LHFPL3: variants seen among roughly 807,000 people sequenced by gnomAD.
LHFPL3 encodes the protein LHFPL tetraspan subfamily member 3 protein.
LHFPL3 carries 5 observed loss-of-function variants against 19.3 expected under a neutral mutation model. The ratio of observed to expected loss-of-function variants is 0.26; its 90% CI spans 0.14 to 0.54. LHFPL3 has a LOEUF of 0.54. Among genes scored for constraint, LHFPL3 ranks in the 20% least tolerant of loss-of-function variants. The pLI is 0.94. For missense variants in LHFPL3, 249 were observed against 307.4 expected, an observed-to-expected ratio of 0.81 and a Z score of 1.42; for synonymous variants, 133 against 126.2, an observed-to-expected ratio of 1.05 and a Z score of -0.36.
At position 104,824,549 on chromosome 7, in the gene LHFPL3, ATAATATATAATTATATATATTATT is replaced by A. The variant is rs1159896456; in HGVS notation, c.683-81636_683-81613del. 8.1e-5 allele frequency among the ~76,000 whole-genome samples: 6 copies of A among 73,840 alleles called. No homozygotes were observed. The East Asian group carries it at 2.4e-3, about 30-fold the overall frequency. 48.4% of individuals were successfully genotyped at this position (73,840 alleles called of 152,430 possible). A position where few individuals can be genotyped will look rare whatever the true frequency, so the allele number is the denominator to read the frequency against. On this transcript the variant is annotated intron_variant, in intron 2 of 2. Coordinates refer to ENST00000424859, the MANE Select transcript of LHFPL3 (RefSeq NM_199000.3). ...TTATATATAATATATATAATTATAT[ATAATATATAATTATATATATTATT>A]TTATATATAATATATATAATTATAT...
intron 1 of LHFPL3, among the ~76,000 whole-genome samples, chr7:104,390,556 G>A (rs1791044989): frequency 6.6e-6 from 1 of 152,168 alleles, no homozygotes; most frequent in Non-Finnish European, 1.5e-5. Flanking sequence ...GTGTATATGT[G>A]CTACATTTGC....
At chr7:104,587,514 T>C (rs1218391487) in intron 1 of LHFPL3, among the ~76,000 whole-genome samples, 2 of 152,228 alleles carry the variant, frequency 1.3e-5, no homozygotes, top group Non-Finnish European at 2.9e-5. Context: ...TAATCCAGTC[T>C]ATCATTGTTG....
chr7:104,493,209 C>T (rs896450023), intron 1 of LHFPL3, among the ~76,000 whole-genome samples: 1 of 152,082 alleles, frequency 6.6e-6, no homozygotes, highest in Non-Finnish European at 1.5e-5. Context: ...GGGAATCTGG[C>T]CCCCCACTTT....
intron 1 of LHFPL3, among the ~76,000 whole-genome samples, chr7:104,626,438 C>A (rs144918624): frequency 1.3e-5 from 2 of 152,324 alleles, no homozygotes; most frequent in East Asian, 3.9e-4. Flanking sequence ...TACCTCCACT[C>A]CATGCTTCAT....
chr7:104,391,643 G>A (rs1415016188), intron 1 of LHFPL3, among the ~76,000 whole-genome samples: 1 of 152,112 alleles, frequency 6.6e-6, no homozygotes, highest in African/African-American at 2.4e-5. Context: ...TGTTCTTTTG[G>A]CTTAGGATTG....
At chr7:104,526,444 A>T (rs149252825) in intron 1 of LHFPL3, among the ~76,000 whole-genome samples, 245 of 152,328 alleles carry the variant, frequency 1.6e-3, no homozygotes, top group African/African-American at 5.6e-3. Flanking sequence ...ATAGCAATCC[A>T]AGCTCTGTAG....
At chr7:104,414,640 G>C (rs182923760) in intron 1 of LHFPL3, among the ~76,000 whole-genome samples, 29 of 152,280 alleles carry the variant, frequency 1.9e-4, no homozygotes. Flanking sequence ...AAATTGACTA[G>C]AGTATCTGTT....
At position 104,688,078 on chromosome 7, in the gene LHFPL3, C is replaced by T. The variant is rs185886582; in HGVS notation, c.446-48597C>T. Among the ~76,000 whole-genome samples the T allele has an allele frequency of 1.6e-3, 251 of 152,228 alleles. 2 individuals are homozygous for T. The highest frequency in any genetic ancestry group is 3.3e-3 in the South Asian group (16 of 4,814). On this transcript the variant is annotated intron_variant, in intron 1 of 2. Coordinates refer to ENST00000424859, the MANE Select transcript of LHFPL3 (RefSeq NM_199000.3). ...TTCAGAGATTTATGCAAAATAAATG[C>T]GTTTGATACTCCTGATTTGATTCAC...
intron 1 of LHFPL3, among the ~76,000 whole-genome samples, chr7:104,472,591 G>A (rs926304116): frequency 2.6e-5 from 4 of 152,108 alleles, no homozygotes; most frequent in Admixed American, 6.5e-5. Flanking sequence ...ATGTGCGTGA[G>A]TATTTGCAAA....
chr7:104,795,698 C>T (rs1412369887), intron 2 of LHFPL3, among the ~76,000 whole-genome samples: 1 of 152,166 alleles, frequency 6.6e-6, no homozygotes, highest in African/African-American at 2.4e-5. Flanking sequence ...AAATCAGAAA[C>T]TCTTAATAAT....
chr7:104,585,035 C>G (rs551105323), intron 1 of LHFPL3, among the ~76,000 whole-genome samples: 19 of 152,288 alleles, frequency 1.2e-4, no homozygotes, highest in African/African-American at 4.6e-4. Context: ...TCCTTCCATG[C>G]CACCTAAATG....
intron 2 of LHFPL3, chr7:104,895,562 G>A (rs985049084): frequency 1.4e-4 from 21 of 152,520 alleles, no homozygotes; most frequent in African/African-American, 5.1e-4. Context: ...AGGGAAAAGG[G>A]GCAGGGGAGA....
chr7:104,869,054 A>G (rs868457859), intron 2 of LHFPL3, among the ~76,000 whole-genome samples: 10 of 152,154 alleles, frequency 6.6e-5, no homozygotes, highest in East Asian at 1.9e-4. Context: ...TCCCTTCCTT[A>G]CACCTTATAC....
chr7:104,594,526 CT>C (rs1254085018), intron 1 of LHFPL3, among the ~76,000 whole-genome samples: 2 of 152,076 alleles, frequency 1.3e-5, no homozygotes, highest in Non-Finnish European at 2.9e-5. Context: ...TGAGGTTGCT[CT>C]TCTGGAGGAG....
At chr7:104,886,441 C>T (rs1047640957) in intron 2 of LHFPL3, among the ~76,000 whole-genome samples, 2 of 152,026 alleles carry the variant, frequency 1.3e-5, no homozygotes, top group African/African-American at 2.4e-5. Context: ...CTCAGTTCAC[C>T]GCAACTTCCG....
intron 2 of LHFPL3, among the ~76,000 whole-genome samples, chr7:104,767,011 G>A (rs1027829629): frequency 5.9e-5 from 9 of 152,248 alleles, no homozygotes; most frequent in East Asian, 1.9e-4. Flanking sequence ...AAGGAACTTC[G>A]ATTTTCTTTT....
intron 2 of LHFPL3, among the ~76,000 whole-genome samples, chr7:104,822,917 T>C (rs1245264336): frequency 6.6e-6 from 1 of 152,138 alleles, no homozygotes; most frequent in African/African-American, 2.4e-5. Flanking sequence ...AGTGCGAGTT[T>C]AGTGTCTACT....
At chr7:104,789,910 C>A (rs1469263448) in intron 2 of LHFPL3, among the ~76,000 whole-genome samples, 2 of 152,086 alleles carry the variant, frequency 1.3e-5, no homozygotes, top group Non-Finnish European at 2.9e-5. Flanking sequence ...CTAATTTTTT[C>A]TAGCGGTTTT....
In LHFPL3 at chr7:104,463,926, T is replaced by C. The variant is rs1247868423; in HGVS notation, c.445+134702T>C. On this transcript the variant is annotated intron_variant, in intron 1 of 2. Coordinates refer to ENST00000424859, the MANE Select transcript of LHFPL3 (RefSeq NM_199000.3). ...CAATCATGCCCTTCCAACAGTCCCC[T>C]AAAGTCTTAACTCATTCCAGCATTA... Among the ~76,000 whole-genome samples, 36 of 152,156 alleles carry C rather than the reference T, an allele frequency of 2.4e-4. 2 individuals are homozygous for C. Among genetic ancestry groups the C allele is most frequent in the Non-Finnish European group, 1.5e-5 (1 of 68,010 alleles).
Sources: gnomAD v4.1 joint callset for allele counts (sites outside exome capture counted in the v4.1 genomes callset) on GRCh38, gnomAD v4.1.1 for gene constraint, MANE v1.5 for transcripts, NCBI Gene and HGNC (gene_info 2026-07-23, HGNC 2026-07-21) for gene names.